Variants in NKAIN3 observed in about 807,000 individuals in gnomAD.
NKAIN3 encodes the protein sodium/potassium-transporting ATPase subunit beta-1-interacting protein 3.
A neutral mutation model predicts 30.2 loss-of-function variants in NKAIN3; 25 were observed. The observed-to-expected ratio is 0.83, with a 90% CI of 0.60 to 1.16. The LOEUF (loss-of-function observed/expected upper bound fraction) is 1.16, where lower values mean the gene tolerates loss of function less well. Among genes scored for constraint, NKAIN3 ranks in the 50% most tolerant of loss-of-function variants. The pLI, the probability that NKAIN3 is intolerant of heterozygous loss-of-function variation, is 0.00. For missense variants in NKAIN3, 225 were observed against 254.1 expected (o/e 0.89, Z 0.78); for synonymous variants, 91 against 89.6 (o/e 1.02, Z -0.09).
chr8:62,557,494 A>G (rs1416362953), intron 1 of NKAIN3, among the ~76,000 whole-genome samples: 1 of 152,006 alleles, frequency 6.6e-6, no homozygotes, highest in East Asian at 1.9e-4. Context: ...CTGTTTTCTA[A>G]AGTGGTTGTA....
chr8:62,773,080 T>C (rs1817075725), intron 4 of NKAIN3, among the ~76,000 whole-genome samples: 1 of 152,224 alleles, frequency 6.6e-6, no homozygotes, highest in African/African-American at 2.4e-5. Context: ...TCTCCCTTTC[T>C]GAGGATTGTC....
At chr8:62,735,547 C>T (rs1053684255) in intron 3 of NKAIN3, among the ~76,000 whole-genome samples, 3 of 151,878 alleles carry the variant, frequency 2.0e-5, no homozygotes, top group Non-Finnish European at 4.4e-5. Flanking sequence ...CTTTCATATC[C>T]TGTAACATTT....
chr8:62,865,448 G>A (rs74664881), intron 4 of NKAIN3, among the ~76,000 whole-genome samples: 2,667 of 152,204 alleles, frequency 0.018, 37 homozygotes, highest in Middle Eastern at 0.068. Context: ...AAGTACTGTT[G>A]TTTGACATTT....
intron 3 of NKAIN3, among the ~76,000 whole-genome samples, chr8:62,627,702 CTCA>C (rs1811833999): frequency 6.6e-6 from 1 of 152,046 alleles, no homozygotes; most frequent in African/African-American, 2.4e-5. Flanking sequence ...TCTTGAAAAA[CTCA>C]TCATTTCCTG....
chr8:62,742,128 T>A (rs991917141), intron 3 of NKAIN3, among the ~76,000 whole-genome samples: 1 of 149,384 alleles, frequency 6.7e-6, no homozygotes, highest in Non-Finnish European at 1.5e-5. Context: ...CATGTATATC[T>A]TATATATATA....
intron 6 of NKAIN3, among the ~76,000 whole-genome samples, chr8:62,959,959 G>A (rs373959738): frequency 5.9e-5 from 9 of 152,298 alleles, no homozygotes; most frequent in South Asian, 4.1e-4. Flanking sequence ...CTCAGGACTC[G>A]TTGCTTTCTC....
Position 62,449,933 on chromosome 8 carries a change from A to T in NKAIN3, c.55-129606A>T, listed in dbSNP as rs536276356. On this transcript the variant is annotated intron_variant, in intron 1 of 6. Coordinates refer to ENST00000623646, the MANE Select transcript of NKAIN3 (RefSeq NM_001304533.3). The stretch of plus-strand genomic sequence containing the variant: ...TTAGTGAGAAGGTAAACATGTATGC[A>T]TAATGTCTAAAATTAGAGGAAGCAA... Among the ~76,000 whole-genome samples, 4 of 152,294 alleles carry T rather than the reference A, an allele frequency of 2.6e-5. No individual in the cohort carries two copies. The South Asian group carries it at 8.3e-4, about 32-fold the overall frequency.
intron 1 of NKAIN3, among the ~76,000 whole-genome samples, chr8:62,323,690 T>C (rs567034901): frequency 6.6e-6 from 1 of 152,084 alleles, no homozygotes; most frequent in East Asian, 1.9e-4. Flanking sequence ...AGTGCCTCCA[T>C]TTAGACTCTG....
chr8:62,528,681 T>G lies in NKAIN3; in HGVS notation c.55-50858T>G, dbSNP rs542367608. Among the ~76,000 whole-genome samples, 5 of 152,174 alleles carry G rather than the reference T, an allele frequency of 3.3e-5. No individual in the cohort carries two copies. The East Asian group carries it at 9.7e-4, about 29-fold the overall frequency. Reference sequence around the variant, plus strand: ...GAAGCATATCCATGGTGACCCATCTTAGACAGCAGACACTATATTCCCTGA... The same window carrying G: ...GAAGCATATCCATGGTGACCCATCTGAGACAGCAGACACTATATTCCCTGA... On this transcript the variant is annotated intron_variant, in intron 1 of 6. Coordinates refer to ENST00000623646, the MANE Select transcript of NKAIN3 (RefSeq NM_001304533.3).
intron 1 of NKAIN3, among the ~76,000 whole-genome samples, chr8:62,405,501 G>A (rs1804034556): frequency 6.6e-6 from 1 of 152,210 alleles, no homozygotes; most frequent in African/African-American, 2.4e-5. Context: ...TGCAGATGCT[G>A]GCTGAGTTCT....
chr8:62,953,651 C>T (rs939065867), intron 5 of NKAIN3, among the ~76,000 whole-genome samples: 3 of 152,276 alleles, frequency 2.0e-5, no homozygotes, highest in African/African-American at 7.2e-5. Flanking sequence ...TTTAATATTA[C>T]TTCATTTTTT....
intron 3 of NKAIN3, among the ~76,000 whole-genome samples, chr8:62,603,753 G>T (rs1164228887): frequency 6.6e-6 from 1 of 152,014 alleles, no homozygotes; most frequent in Non-Finnish European, 1.5e-5. Context: ...CTTTGATATT[G>T]TACCAGCTAC....
At chr8:62,846,680 A>G (rs1002251432) in intron 4 of NKAIN3, among the ~76,000 whole-genome samples, 2 of 152,108 alleles carry the variant, frequency 1.3e-5, no homozygotes, top group African/African-American at 4.8e-5. Context: ...TTAAGGCTGC[A>G]TATTATTCTG....
At chr8:62,623,008 T>C (rs954874232) in intron 3 of NKAIN3, among the ~76,000 whole-genome samples, 1 of 151,874 alleles carries the variant, frequency 6.6e-6, no homozygotes, top group Non-Finnish European at 1.5e-5. Flanking sequence ...GTTATGTGTG[T>C]GGTGTGTGTG....
chr8:62,411,201 C>T lies in NKAIN3; in HGVS notation c.54+162074C>T, dbSNP rs562752173. On this transcript the variant is annotated intron_variant, in intron 1 of 6. Transcript: ENST00000623646. ...CAACATATCAAAAAATTTAACACAC[C>T]ATGATCAATTAGGCTTTATTCCTGG... Among the ~76,000 whole-genome samples the T allele has an allele frequency of 1.6e-4, 24 of 152,226 alleles. No individual in the cohort carries two copies. In the East Asian group the frequency reaches 4.6e-3, roughly 29 times the overall value.
At chr8:62,844,792 G>A (rs1819625769) in intron 4 of NKAIN3, among the ~76,000 whole-genome samples, 1 of 152,076 alleles carries the variant, frequency 6.6e-6, no homozygotes, top group Non-Finnish European at 1.5e-5. Flanking sequence ...TCATTTTGGT[G>A]GCTGTCCCCA....
At chr8:62,912,371 A>G (rs1563624422) in intron 4 of NKAIN3, among the ~76,000 whole-genome samples, 1 of 152,160 alleles carries the variant, frequency 6.6e-6, no homozygotes, top group Non-Finnish European at 1.5e-5. Flanking sequence ...TAAACACTGT[A>G]CACTTAGGCT....
At chr8:62,443,331 G>A (rs1202487734) in intron 1 of NKAIN3, among the ~76,000 whole-genome samples, 1 of 151,646 alleles carries the variant, frequency 6.6e-6, no homozygotes, top group African/African-American at 2.4e-5. Flanking sequence ...GTCCTTCATT[G>A]CTGCTTTCAA....
intron 5 of NKAIN3, among the ~76,000 whole-genome samples, chr8:62,947,457 C>T (rs960471441): frequency 1.3e-5 from 2 of 152,166 alleles, no homozygotes; most frequent in African/African-American, 4.8e-5. Flanking sequence ...TCATAGTAAA[C>T]CCATTGGAAG....
Sources: allele counts gnomAD v4.1 joint callset (sites outside exome capture counted in the v4.1 genomes callset), GRCh38; gene constraint gnomAD v4.1.1; transcripts MANE v1.5; gene names NCBI Gene and HGNC (gene_info 2026-07-23, HGNC 2026-07-21).